Variants in SGCZ observed in about 807,000 individuals in gnomAD.
The protein encoded by SGCZ is zeta-sarcoglycan.
Under a neutral mutation model 41.3 loss-of-function variants are expected in SGCZ, and 40 were observed. The observed-to-expected ratio is 0.97, with a 90% CI of 0.75 to 1.26. The LOEUF is 1.26. Among genes scored for constraint, SGCZ ranks in the 50% most tolerant of loss-of-function variants. The pLI, the probability that SGCZ is intolerant of heterozygous loss-of-function variation, is 0.00. For synonymous variants in SGCZ, 206 were observed against 137.5 expected (o/e 1.50, Z -3.49); for missense variants, 552 against 369.8 (o/e 1.49, Z -4.04).
chr8:14,095,707 T>G (rs1801822408), intron 7 of SGCZ, among the ~76,000 whole-genome samples: 2 of 152,200 alleles, frequency 1.3e-5, no homozygotes, highest in Admixed American at 1.3e-4. Flanking sequence ...ATGGCCATTT[T>G]CACGATAATG....
intron 1 of SGCZ, among the ~76,000 whole-genome samples, chr8:14,908,522 T>C (rs1174399407): frequency 1.3e-5 from 2 of 151,966 alleles, no homozygotes; most frequent in African/African-American, 4.8e-5. Context: ...GAGCCCCAGG[T>C]GGGAGGATCA....
intron 2 of SGCZ, among the ~76,000 whole-genome samples, chr8:14,334,293 G>A (rs1802433035): frequency 6.6e-6 from 1 of 151,924 alleles, no homozygotes; most frequent in Admixed American, 6.6e-5. Flanking sequence ...TAATAGCTCA[G>A]TTCATACAGC....
At chr8:14,822,728 C>T (rs4543541) in intron 1 of SGCZ, among the ~76,000 whole-genome samples, 82,922 of 151,784 alleles carry the variant, frequency 0.55, 25,371 homozygotes, top group East Asian at 0.85. Flanking sequence ...GGGGATAAGA[C>T]AGTCTCTTCA....
intron 1 of SGCZ, among the ~76,000 whole-genome samples, chr8:15,074,696 G>A (rs979229232): frequency 1.1e-4 from 17 of 152,016 alleles, no homozygotes; most frequent in East Asian, 1.9e-4. Flanking sequence ...CCCGACTCAC[G>A]ATTCCATTTC....
intron 2 of SGCZ, among the ~76,000 whole-genome samples, chr8:14,436,083 A>G (rs548433455): frequency 9.1e-4 from 138 of 152,324 alleles, no homozygotes; most frequent in African/African-American, 3.2e-3. Flanking sequence ...CGTTGGATAG[A>G]GAAATGCAGT....
intron 1 of SGCZ, among the ~76,000 whole-genome samples, chr8:14,990,599 A>G (rs1167152747): frequency 6.6e-6 from 1 of 152,060 alleles, no homozygotes; most frequent in East Asian, 1.9e-4. Flanking sequence ...TCACCCCTAG[A>G]TGAGACCATC....
chr8:14,338,244 A>T (rs1802567801), intron 2 of SGCZ, among the ~76,000 whole-genome samples: 1 of 152,332 alleles, frequency 6.6e-6, no homozygotes, highest in Admixed American at 6.5e-5. Context: ...GAGCTGGGTC[A>T]TGCCACAAGA....
At chr8:14,709,027 A>G (rs926842233) in intron 1 of SGCZ, among the ~76,000 whole-genome samples, 1 of 152,186 alleles carries the variant, frequency 6.6e-6, no homozygotes, top group Non-Finnish European at 1.5e-5. Context: ...TCTATCATTC[A>G]GCAGATTCAA....
chr8:14,246,094 T>A (rs1303888952), intron 3 of SGCZ, among the ~76,000 whole-genome samples: 4 of 152,206 alleles, frequency 2.6e-5, no homozygotes, highest in Non-Finnish European at 5.9e-5. Flanking sequence ...ATCACATTAC[T>A]GGGTATATAC....
intron 1 of SGCZ, among the ~76,000 whole-genome samples, chr8:15,210,942 T>C (rs1333238361): frequency 6.6e-6 from 1 of 151,954 alleles, no homozygotes; most frequent in South Asian, 2.1e-4. Flanking sequence ...TTCTATTGCC[T>C]TTGCCTAGAA....
chr8:15,043,327 T>C (rs1355121451), intron 1 of SGCZ, among the ~76,000 whole-genome samples: 1 of 152,208 alleles, frequency 6.6e-6, no homozygotes, highest in East Asian at 1.9e-4. Context: ...CTCGGTCGTT[T>C]TGACCCTTAT....
At chr8:14,565,510 C>T (rs949562428) in intron 1 of SGCZ, among the ~76,000 whole-genome samples, 25 of 151,876 alleles carry the variant, frequency 1.6e-4, no homozygotes, top group African/African-American at 6.1e-4. Flanking sequence ...AGACAGTCCA[C>T]GGGCACCATT....
At chr8:14,663,058 C>A (rs930648914) in intron 1 of SGCZ, among the ~76,000 whole-genome samples, 3 of 152,142 alleles carry the variant, frequency 2.0e-5, no homozygotes, top group Non-Finnish European at 2.9e-5. Context: ...AAATGCAGTT[C>A]TGCCAACAAC....
At position 14,486,187 on chromosome 8, in the gene SGCZ, T is replaced by C. The variant is rs567035706; in HGVS notation, c.234+68545A>G. On this transcript the variant is annotated intron_variant, in intron 2 of 7. Coordinates refer to ENST00000382080, the MANE Select transcript of SGCZ (RefSeq NM_139167.4). ...TAAATATAGCCACACTATCTTTTGG[T>C]TGCCATTTTAAAGATCAAACTTGCC... 2.6e-5 allele frequency among the ~76,000 whole-genome samples: 4 copies of C among 152,296 alleles called. No individual in the cohort carries two copies. In the East Asian group the frequency reaches 5.8e-4, roughly 22 times the overall value.
chr8:14,649,826 G>A (rs1585153874), intron 1 of SGCZ, among the ~76,000 whole-genome samples: 1 of 152,138 alleles, frequency 6.6e-6, no homozygotes, highest in African/African-American at 2.4e-5. Context: ...CCAAGGCAGG[G>A]CAAAGGCACA....
intron 1 of SGCZ, among the ~76,000 whole-genome samples, chr8:14,652,731 A>G (rs1181883972): frequency 2.0e-5 from 3 of 152,144 alleles, no homozygotes; most frequent in East Asian, 3.9e-4. Context: ...TAAGATTTGT[A>G]TATTTATTAT....
chr8:14,958,017 T>G (rs372812754), intron 1 of SGCZ, among the ~76,000 whole-genome samples: 64 of 152,148 alleles, frequency 4.2e-4, no homozygotes, highest in African/African-American at 1.5e-3. Flanking sequence ...ATTAGCACAC[T>G]AAAAAGTCAC....
intron 2 of SGCZ, among the ~76,000 whole-genome samples, chr8:14,386,554 T>C (rs934335003): frequency 2.6e-5 from 4 of 152,180 alleles, no homozygotes; most frequent in East Asian, 3.8e-4. Context: ...TTTTTAGAAA[T>C]GTTTCAGGCA....
intron 4 of SGCZ, among the ~76,000 whole-genome samples, chr8:14,183,550 G>C (rs1804803543): frequency 6.6e-6 from 1 of 152,120 alleles, no homozygotes; most frequent in South Asian, 2.1e-4. Flanking sequence ...GTTTATACTA[G>C]AAAATCATTA....
Sources: allele counts gnomAD v4.1 joint callset (sites outside exome capture counted in the v4.1 genomes callset), GRCh38; gene constraint gnomAD v4.1.1; transcripts MANE v1.5; gene names NCBI Gene and HGNC (gene_info 2026-07-23, HGNC 2026-07-21).